Variants in ANKRD62 observed in about 807,000 individuals in gnomAD.
ANKRD62 encodes ankyrin repeat domain 62.
In ANKRD62, 61 loss-of-function variants were observed where a neutral mutation model predicts 98.8. The ratio of observed to expected loss-of-function variants is 0.62; its 90% CI spans 0.50 to 0.76. The LOEUF (loss-of-function observed/expected upper bound fraction) is 0.76, where lower values mean the gene tolerates loss of function less well. ANKRD62 is among the 30% of genes least tolerant of loss of function. ANKRD62 has a pLI of 0.00. For synonymous variants in ANKRD62, 341 were observed against 367.9 expected (o/e 0.93, Z 0.84); for missense variants, 933 against 1,082.9 (o/e 0.86, Z 1.94).
At chr18:12,153,514 C>A in the ANKRD62 span, among the ~76,000 whole-genome samples, 1 of 150,486 alleles carries the variant, frequency 6.6e-6, no homozygotes. Context: ...ATCGCTTGAA[C>A]CTGTGAGGCT....
At chr18:12,127,557 G>A (rs1909919036) in intron 13 of ANKRD62, among the ~76,000 whole-genome samples, 191 bp from the exon 14 acceptor site, 1 of 152,154 alleles carries the variant, frequency 6.6e-6, no homozygotes, top group African/African-American at 2.4e-5. Flanking sequence ...CACCAGTTTG[G>A]CACAAAGATA....
rs560557626 is a variant in ANKRD62, at chr18:12,098,694, C to T, written c.752+917C>T. Among the ~76,000 whole-genome samples the T allele has an allele frequency of 2.0e-5, 3 of 152,206 alleles. No individual in the cohort carries two copies. The East Asian group carries it at 5.8e-4, about 29-fold the overall frequency. On this transcript the variant is annotated intron_variant, in intron 5 of 13. Transcript: ENST00000587848. Reference sequence around the variant, plus strand: ...AAATGAGAATGGCGCTGAGTAAACTCGTGGTGTGTTGTGTGCAAATATATT... The same window carrying T: ...AAATGAGAATGGCGCTGAGTAAACTTGTGGTGTGTTGTGTGCAAATATATT...
intron 10 of ANKRD62, among the ~76,000 whole-genome samples, chr18:12,118,539 G>A (rs1304945111): frequency 7.9e-5 from 12 of 151,692 alleles, no homozygotes; most frequent in African/African-American, 2.9e-4. Flanking sequence ...AAGCTGGGAG[G>A]CAGAGGTTGC....
At chr18:12,166,759 T>C in the ANKRD62 span, among the ~76,000 whole-genome samples, 1 of 152,178 alleles carries the variant, frequency 6.6e-6, no homozygotes, top group South Asian at 2.1e-4. Context: ...AGTTCTAGGG[T>C]ACATGTGCCC....
At chr18:12,118,189 A>T (rs771835810) in intron 10 of ANKRD62, among the ~76,000 whole-genome samples, 1 of 152,148 alleles carries the variant, frequency 6.6e-6, no homozygotes, top group African/African-American at 2.4e-5. Context: ...CTCCCTAAAA[A>T]TCCTCAGTAC....
At chr18:12,108,743 A>G (rs1199676367) in intron 8 of ANKRD62, among the ~76,000 whole-genome samples, 1 of 152,214 alleles carries the variant, frequency 6.6e-6, no homozygotes, top group African/African-American at 2.4e-5. Flanking sequence ...TAGTTCTAAG[A>G]TACAGTGGGG....
the ANKRD62 span, among the ~76,000 whole-genome samples, chr18:12,156,981 G>A: frequency 6.6e-6 from 1 of 152,196 alleles, no homozygotes; most frequent in South Asian, 2.1e-4. Context: ...TTTTTTAAGA[G>A]ACAGCATCTC....
Position 12,125,613 on chromosome 18 carries a change from G to A in ANKRD62, c.1792G>A (p.Glu598Lys). ...TTTCAAAGATATTGAAATTATAAAG[G>A]AAAACAATGAAGACCTTGAAAAGAC... Reference protein sequence around the residue: ...KYFKDIEIIKENNEDLEKTLK... With the variant: ...KYFKDIEIIKKNNEDLEKTLK... Residue 598 changes from glutamate to lysine, a missense_variant, in exon 13 of 14, where the codon GAA becomes AAA. Glu to Lys is a moderately conservative substitution (Grantham distance 56, BLOSUM62 1). Transcript: ENST00000587848. 10 of 1,526,372 alleles carry A rather than the reference G, an allele frequency of 6.6e-6. No homozygotes were observed. The highest frequency in any genetic ancestry group is 8.7e-6 in the Non-Finnish European group (10 of 1,144,100). 94.6% of individuals were successfully genotyped at this position (1,526,372 alleles called of 1,614,324 possible).
At chr18:12,150,452 C>T in the ANKRD62 span, among the ~76,000 whole-genome samples, 1 of 152,142 alleles carries the variant, frequency 6.6e-6, no homozygotes, top group Non-Finnish European at 1.5e-5. Flanking sequence ...ATACAGAGAA[C>T]TCCTGCAAGA....
chr18:12,138,546 T>C, the ANKRD62 span, among the ~76,000 whole-genome samples: 3 of 152,228 alleles, frequency 2.0e-5, no homozygotes, highest in Non-Finnish European at 4.4e-5. Flanking sequence ...GAGAGTTCTG[T>C]AGATGTCTAT....
At chr18:12,173,188 C>T in the ANKRD62 span, among the ~76,000 whole-genome samples, 1,734 of 152,314 alleles carry the variant, frequency 0.011, 27 homozygotes, top group South Asian at 0.04. Context: ...GCATTGCTCA[C>T]GCTGGGAGCT....
the ANKRD62 span, among the ~76,000 whole-genome samples, chr18:12,166,397 TTA>T: frequency 6.6e-6 from 1 of 152,124 alleles, no homozygotes; most frequent in East Asian, 1.9e-4. Flanking sequence ...TTCTTCTGCT[TTA>T]TCAGTTCTGC....
chr18:12,122,054 T>C (rs1417696735), intron 10 of ANKRD62, among the ~76,000 whole-genome samples: 2 of 152,258 alleles, frequency 1.3e-5, no homozygotes, highest in Non-Finnish European at 1.5e-5. Context: ...TGTATTCTTA[T>C]AGCATCTATC....
chr18:12,169,767 C>G, the ANKRD62 span, among the ~76,000 whole-genome samples: 1 of 152,130 alleles, frequency 6.6e-6, no homozygotes, highest in South Asian at 2.1e-4. Flanking sequence ...TGGTCCTGGA[C>G]TTTTTTTGGT....
At chr18:12,108,723 A>C (rs1568061103) in intron 8 of ANKRD62, among the ~76,000 whole-genome samples, 1 of 151,638 alleles carries the variant, frequency 6.6e-6, no homozygotes, top group African/African-American at 2.4e-5. Flanking sequence ...GAAATCAAAA[A>C]TTAGTTAGTT....
At position 12,102,910 on chromosome 18, in the gene ANKRD62, G is replaced by C. The variant is rs373294861; in HGVS notation, c.821-248G>C. The C allele has an allele frequency of 9.5e-5, 51 of 537,468 alleles. No homozygotes were observed. In the South Asian group the frequency reaches 3.3e-3, roughly 34 times the overall value. The allele number at this position is 537,468 out of a possible 1,614,324, so 33.3% of individuals were successfully genotyped here. A position where few individuals can be genotyped will look rare whatever the true frequency, so the allele number is the denominator to read the frequency against. ...TTGTTGGGTGGATTCATTTGTGAGC[G>C]AATCTTTGAGATGTTGGTCTATGGC... On this transcript the variant is annotated intron_variant, in intron 6 of 13. Transcript: ENST00000587848.
intron 10 of ANKRD62, among the ~76,000 whole-genome samples, chr18:12,119,035 G>T (rs566589983): frequency 1.3e-5 from 2 of 152,046 alleles, no homozygotes; most frequent in African/African-American, 4.8e-5. Flanking sequence ...TTTCTAGGAC[G>T]GTCCTCAGCT....
In ANKRD62 at chr18:12,095,477, T is replaced by A; in HGVS notation, c.374T>A (p.Leu125Gln). 2 of 1,576,238 alleles carry A rather than the reference T, an allele frequency of 1.3e-6. No homozygotes were observed. Among genetic ancestry groups the A allele is most frequent in the East Asian group, 4.5e-5 (2 of 44,020 alleles). The change falls in exon 3 of 14, where the codon CTG becomes CAG. Residue 125 changes from leucine to glutamine, a missense_variant. Coordinates refer to ENST00000587848, the MANE Select transcript of ANKRD62 (RefSeq NM_001277333.2). ...GAAGAAGTTTGTGCATCCATCCTGC[T>A]GGAACATGGCGCCAACCCAAATGTT... ...CQEEVCASIL[L>Q]EHGANPNVRD...
At chr18:12,171,152 T>A in the ANKRD62 span, among the ~76,000 whole-genome samples, 22 of 152,308 alleles carry the variant, frequency 1.4e-4, no homozygotes, top group Admixed American at 2.6e-4. Flanking sequence ...AGGTTAATAT[T>A]GTTATATGTG....
Sources: allele counts gnomAD v4.1 joint callset (sites outside exome capture counted in the v4.1 genomes callset), GRCh38; gene constraint gnomAD v4.1.1; transcripts MANE v1.5; gene names NCBI Gene and HGNC (gene_info 2026-07-23, HGNC 2026-07-21).